COL8A1: variants seen among roughly 807,000 people sequenced by gnomAD.
COL8A1 encodes the protein collagen alpha-1(VIII) chain.
In COL8A1, 21 loss-of-function variants were observed where a neutral mutation model predicts 42.7. The observed-to-expected ratio is 0.49, with a 90% confidence interval of 0.35 to 0.71. The LOEUF is 0.71. Among genes scored for constraint, COL8A1 ranks in the 30% least tolerant of loss-of-function variants. The pLI is 0.01. For synonymous variants in COL8A1, 367 were observed against 369.1 expected (o/e 0.99, Z 0.06); for missense variants, 788 against 962.4 (o/e 0.82, Z 2.40).
At chr3:99,786,184 T>C (rs1941891982) in intron 2 of COL8A1, among the ~76,000 whole-genome samples, 1 of 152,214 alleles carries the variant, frequency 6.6e-6, no homozygotes, top group South Asian at 2.1e-4. Context: ...CCTACCGTTC[T>C]TTCCAAAACA....
chr3:99,740,253 C>T (rs1940861206), intron 1 of COL8A1, among the ~76,000 whole-genome samples: 1 of 152,204 alleles, frequency 6.6e-6, no homozygotes, highest in Non-Finnish European at 1.5e-5. Context: ...AAACTGTTCC[C>T]ACCTCTGCCT....
chr3:99,707,064 T>C lies in COL8A1; in HGVS notation c.-128-37833T>C, dbSNP rs528408477. On this transcript the variant is annotated intron_variant, in intron 1 of 3. Coordinates refer to ENST00000652472, the MANE Select transcript of COL8A1 (RefSeq NM_020351.4). The stretch of plus-strand genomic sequence containing the variant: ...AAATAAGTAAAGAAGATGAGTTAAA[T>C]TGGAACTAAGGACAGAAAAGTGAAA... 4 of 152,218 alleles carry C rather than the reference T, an allele frequency of 2.6e-5. No individual in the cohort carries two copies. In the East Asian group the frequency reaches 7.7e-4, roughly 29 times the overall value. The allele number at this position is 152,218 out of a possible 1,614,324, so 9.4% of individuals were successfully genotyped here.
At chr3:99,648,649 G>C (rs1173811104) in intron 1 of COL8A1, among the ~76,000 whole-genome samples, 3 of 152,084 alleles carry the variant, frequency 2.0e-5, no homozygotes, top group South Asian at 4.1e-4. Context: ...CAAGTTGCTT[G>C]GCACCAATCC....
At chr3:99,738,298 A>G (rs2452319) in intron 1 of COL8A1, among the ~76,000 whole-genome samples, 123,753 of 152,202 alleles carry the variant, frequency 0.81, 50,617 homozygotes, top group African/African-American at 0.91. Context: ...GAGGAGAGGC[A>G]CTCTGATTTT....
chr3:99,789,155 C>A (rs140174523), intron 2 of COL8A1, among the ~76,000 whole-genome samples: 255 of 152,072 alleles, frequency 1.7e-3, no homozygotes, highest in Middle Eastern at 6.8e-3. Context: ...TTTTATTAAC[C>A]AATCCTTTTG....
At chr3:99,677,102 ATATGTAACCTATATATATAAT>A in intron 1 of COL8A1, among the ~76,000 whole-genome samples, 1 of 151,424 alleles carries the variant, frequency 6.6e-6, no homozygotes, top group East Asian at 1.9e-4. Context: ...GAAATTATAT[ATATGTAACCTATATATATAAT>A]TATATATAAA....
chr3:99,650,870 G>A (rs1937823127), intron 1 of COL8A1, among the ~76,000 whole-genome samples: 1 of 152,120 alleles, frequency 6.6e-6, no homozygotes. Flanking sequence ...AGGTCCCTTG[G>A]TGAGCATATA....
chr3:99,674,857 T>C (rs1253693814), intron 1 of COL8A1, among the ~76,000 whole-genome samples: 1 of 152,142 alleles, frequency 6.6e-6, no homozygotes, highest in East Asian at 1.9e-4. Context: ...TTTTTATCTA[T>C]TTTTCACATT....
At chr3:99,728,290 A>C (rs1411278106) in intron 1 of COL8A1, among the ~76,000 whole-genome samples, 1 of 152,098 alleles carries the variant, frequency 6.6e-6, no homozygotes, top group Non-Finnish European at 1.5e-5. Flanking sequence ...CAACTTCAGC[A>C]AAGTCTCAGG....
chr3:99,672,112 T>C (rs1938564235), intron 1 of COL8A1, among the ~76,000 whole-genome samples: 1 of 152,040 alleles, frequency 6.6e-6, no homozygotes, highest in African/African-American at 2.4e-5. Flanking sequence ...TGGTGAAACC[T>C]GAAGGGCTCC....
chr3:99,720,075 C>T lies in COL8A1; in HGVS notation c.-128-24822C>T, dbSNP rs140297360. Among the ~76,000 whole-genome samples the T allele has an allele frequency of 4.4e-3, 676 of 152,164 alleles. 6 individuals carry two copies. The highest frequency in any genetic ancestry group is 0.015 in the African/African-American group (633 of 41,548). ...TCTTTGTGGCAGTGGTCTCTAAGAC[C>T]AAAACTATCCTGAACCTTATGAACC... On this transcript the variant is annotated intron_variant, in intron 1 of 3. Transcript: ENST00000652472.
chr3:99,656,870 G>A (rs1010229297), intron 1 of COL8A1, among the ~76,000 whole-genome samples: 2 of 152,200 alleles, frequency 1.3e-5, no homozygotes, highest in African/African-American at 4.8e-5. Context: ...AAATCTGTCC[G>A]TTGTTATGCA....
intron 1 of COL8A1, among the ~76,000 whole-genome samples, chr3:99,698,364 T>C (rs1939440096): frequency 6.6e-6 from 1 of 152,248 alleles, no homozygotes; most frequent in Admixed American, 6.5e-5. Context: ...ATGGTATTTC[T>C]AGTTCTAGAT....
At chr3:99,782,323 G>C (rs1275658568) in intron 2 of COL8A1, among the ~76,000 whole-genome samples, 1 of 152,150 alleles carries the variant, frequency 6.6e-6, no homozygotes, top group Non-Finnish European at 1.5e-5. Context: ...GTAACTGCAA[G>C]TATGAGATTG....
At chr3:99,665,130 A>G (rs1938325003) in intron 1 of COL8A1, among the ~76,000 whole-genome samples, 1 of 152,212 alleles carries the variant, frequency 6.6e-6, no homozygotes, top group African/African-American at 2.4e-5. Context: ...TTCTCAGACT[A>G]GAAGTCCAAG....
At chr3:99,725,279 G>T (rs1233218924) in intron 1 of COL8A1, among the ~76,000 whole-genome samples, 1 of 152,012 alleles carries the variant, frequency 6.6e-6, no homozygotes, top group East Asian at 1.9e-4. Context: ...ACTGCCATAA[G>T]AAAGTTCTTC....
At chr3:99,684,987 T>C (rs1378308494) in intron 1 of COL8A1, among the ~76,000 whole-genome samples, 1 of 152,208 alleles carries the variant, frequency 6.6e-6, no homozygotes, top group Non-Finnish European at 1.5e-5. Flanking sequence ...AACTGAACTA[T>C]GCTATTCATA....
chr3:99,699,096 C>T (rs1255302771), intron 1 of COL8A1, among the ~76,000 whole-genome samples: 1 of 152,206 alleles, frequency 6.6e-6, no homozygotes, highest in East Asian at 1.9e-4. Context: ...AAAACTAAAA[C>T]TTCCTCTCAC....
chr3:99,665,639 A>G (rs1227476943), intron 1 of COL8A1, among the ~76,000 whole-genome samples: 1 of 149,754 alleles, frequency 6.7e-6, no homozygotes, highest in Non-Finnish European at 1.5e-5. Context: ...TTTTGGAAGC[A>G]GTGGGGAGAC....
Sources: gnomAD v4.1 joint callset for allele counts (sites outside exome capture counted in the v4.1 genomes callset) on GRCh38, gnomAD v4.1.1 for gene constraint, MANE v1.5 for transcripts, NCBI Gene and HGNC (gene_info 2026-07-23, HGNC 2026-07-21) for gene names.